Variants in LEO1 observed in about 807,000 individuals in gnomAD.
LEO1 encodes the protein LEO1 component of Paf1/RNA polymerase II complex, also known as RNA polymerase-associated protein LEO1.
A neutral mutation model predicts 80.4 loss-of-function variants in LEO1; 34 were observed. The ratio of observed to expected loss-of-function variants is 0.42; its 90% CI spans 0.32 to 0.56. The LOEUF (loss-of-function observed/expected upper bound fraction) is 0.56, where lower values mean the gene tolerates loss of function less well. Ranked by LOEUF, LEO1 falls within the 20% of genes least tolerant of loss-of-function variation. LEO1 has a pLI of 0.10. For synonymous variants in LEO1, 262 were observed against 274.9 expected (o/e 0.95, Z 0.46); for missense variants, 631 against 814.2 (o/e 0.77, Z 2.74).
rs1191351155 is a variant in LEO1, at chr15:51,966,476, A to G, written c.87T>C (p.Ser29=). The G allele has an allele frequency of 4.4e-6, 7 of 1,608,212 alleles. No homozygotes were observed. The highest frequency in any genetic ancestry group is 6.0e-6 in the Non-Finnish European group (7 of 1,175,950). The change falls in exon 2 of 12, where the codon TCT becomes TCC. Residue 29 remains serine, a synonymous_variant. Coordinates refer to ENST00000299601, the MANE Select transcript of LEO1 (RefSeq NM_138792.4). ...TGCCAGAGGCAGCATTCTCTTGATCAGAATCTGAGTCAGATCCAGAATCAG... is the reference window on the plus strand; with the variant it reads ...TGCCAGAGGCAGCATTCTCTTGATCGGAATCTGAGTCAGATCCAGAATCAG... The part of the protein sequence containing the change: ...KDSDSGSDSD[S]DQENAASGSN...
intron 6 of LEO1, among the ~76,000 whole-genome samples, chr15:51,957,821 G>T (rs572446207): frequency 2.6e-5 from 4 of 152,102 alleles, no homozygotes; most frequent in African/African-American, 9.7e-5. Flanking sequence ...AGGAGTTCGA[G>T]ACCAACCTGG....
intron 1 of LEO1, among the ~76,000 whole-genome samples, chr15:51,971,455 A>G (rs1008529198): frequency 1.3e-5 from 2 of 151,972 alleles, no homozygotes; most frequent in African/African-American, 4.8e-5. Flanking sequence ...TTCGCTCCAC[A>G]AGCTCCCAGG....
intron 1 of LEO1, 61 bp from the exon 2 acceptor site, chr15:51,966,565 A>C: frequency 1.1e-6 from 1 of 908,578 alleles, no homozygotes; most frequent in Non-Finnish European, 1.7e-6. Flanking sequence ...AGGCAGTCCC[A>C]AAGTCCATCC....
chr15:51,960,782 G>T, intron 3 of LEO1, 49 bp from the exon 4 acceptor site: 1 of 1,061,942 alleles, frequency 9.4e-7, no homozygotes, highest in Non-Finnish European at 1.5e-6. Context: ...TGTAACTAAG[G>T]TTCTTCACAG....
chr15:51,970,933 A>T (rs545490671), intron 1 of LEO1, among the ~76,000 whole-genome samples: 2 of 152,326 alleles, frequency 1.3e-5, no homozygotes, highest in South Asian at 4.1e-4. Context: ...CCTGAGCAAC[A>T]CAGTGAGACC....
intron 11 of LEO1, among the ~76,000 whole-genome samples, chr15:51,941,088 C>CAAACAAAT (rs142742499): frequency 5.4e-4 from 81 of 150,902 alleles, no homozygotes; most frequent in East Asian, 9.7e-4. Context: ...AACAAACAAA[C>CAAACAAAT]AAATAAATAA....
intron 9 of LEO1, 39 bp from the exon 10 acceptor site, chr15:51,950,033 G>A: frequency 2.6e-6 from 4 of 1,545,874 alleles, no homozygotes; most frequent in Non-Finnish European, 3.5e-6. Context: ...CTAAAAAGGA[G>A]CTACTTTTGT....
chr15:51,961,689 C>A (rs1473999330), intron 3 of LEO1, among the ~76,000 whole-genome samples: 1 of 151,892 alleles, frequency 6.6e-6, no homozygotes, highest in African/African-American at 2.4e-5. Flanking sequence ...CCACTGCACC[C>A]AGCCAACACT....
At chr15:51,954,223 C>CT (rs75902868) in intron 7 of LEO1, among the ~76,000 whole-genome samples, 174 of 142,766 alleles carry the variant, frequency 1.2e-3, no homozygotes, top group African/African-American at 1.9e-3. Context: ...GTGCCTGGCT[C>CT]TTTTTTTTTT....
Position 51,942,921 on chromosome 15 carries a change from CA to C in LEO1, c.1896+4370del, listed in dbSNP as rs546843495. ...TGGGCAACAGAATGAGACTTTGTCT[CA>C]AAAAAAAAAAAAAAACCAAAAAAAA... On this transcript the variant is annotated intron_variant, in intron 11 of 11. Coordinates refer to ENST00000299601, the MANE Select transcript of LEO1 (RefSeq NM_138792.4). 7.2e-3 allele frequency among the ~76,000 whole-genome samples: 423 copies of C among 58,910 alleles called. 2 individuals carry two copies. The highest frequency in any genetic ancestry group is 0.02 in the African/African-American group (331 of 16,706). The allele number at this position is 58,910 out of a possible 152,430, so 38.6% of individuals were successfully genotyped here.
chr15:51,954,585 A>C lies in LEO1; in HGVS notation c.1246-10T>G. 1 of 1,558,020 alleles carries C rather than the reference A, an allele frequency of 6.4e-7. No homozygotes were observed. Among genetic ancestry groups the C allele is most frequent in the Non-Finnish European group, 8.9e-7 (1 of 1,129,484 alleles). The stretch of plus-strand genomic sequence containing the variant: ...TTATAGTATTTTCTACCTGTTTCAC[A>C]ACACAAGTACTTTAGAAAATTATAG... On this transcript the variant is annotated splice_polypyrimidine_tract_variant and intron_variant, in intron 6 of 11. Coordinates refer to ENST00000299601, the MANE Select transcript of LEO1 (RefSeq NM_138792.4).
intron 6 of LEO1, among the ~76,000 whole-genome samples, chr15:51,955,446 G>C (rs1024696358): frequency 2.6e-5 from 4 of 152,184 alleles, no homozygotes; most frequent in African/African-American, 9.7e-5. Context: ...GCATGGTGGG[G>C]AAACACCAGA....
rs747079864 is a variant in LEO1, at chr15:51,971,752, T to A, written c.-7A>T. On this transcript the variant is annotated 5_prime_UTR_variant, in exon 1 of 12. Coordinates refer to ENST00000299601, the MANE Select transcript of LEO1 (RefSeq NM_138792.4). ...GATCCTCCATATCCGCCATTATCGC[T>A]CACGTCCGCTGCTGCCTCGGTTAGG... 6.2e-7 allele frequency: 1 copy of A among 1,614,154 alleles called. No homozygotes were observed. Among genetic ancestry groups the A allele is most frequent in the South Asian group, 1.1e-5 (1 of 91,090 alleles).
chr15:51,966,366 C>A lies in LEO1; in HGVS notation c.197G>T (p.Ser66Ile). The stretch of plus-strand genomic sequence containing the variant: ...ATGATGTGAAGCTCCCTCGTCCTCA[C>A]TGTCATCTCCAAACAGTTCCTTATT... ...PSNKELFGDDSEDEGASHHSG... is the reference protein window; with the variant it reads ...PSNKELFGDDIEDEGASHHSG... Residue 66 changes from serine to isoleucine, a missense_variant, in exon 2 of 12, where the codon AGT becomes ATT. Transcript: ENST00000299601. 6.2e-7 allele frequency: 1 copy of A among 1,614,202 alleles called. No individual in the cohort carries two copies. Among genetic ancestry groups the A allele is most frequent in the Non-Finnish European group, 8.5e-7 (1 of 1,180,004 alleles).
At chr15:51,971,242 T>C (rs905059396) in intron 1 of LEO1, among the ~76,000 whole-genome samples, 5 of 152,164 alleles carry the variant, frequency 3.3e-5, no homozygotes, top group African/African-American at 7.2e-5. Context: ...TATCACACCA[T>C]GCTCTGGTTT....
intron 11 of LEO1, 24 bp downstream of exon 11, chr15:51,947,268 A>C: frequency 6.7e-7 from 1 of 1,497,578 alleles, no homozygotes. Flanking sequence ...ATAAACCCCT[A>C]GAATTGAATA....
intron 2 of LEO1, among the ~76,000 whole-genome samples, chr15:51,964,201 G>A (rs1194366141): frequency 1.5e-4 from 23 of 150,554 alleles, no homozygotes; most frequent in African/African-American, 5.4e-4. Context: ...GCGAGACTCC[G>A]TCTCAAAAAA....
At chr15:51,968,690 G>A (rs555121456) in intron 1 of LEO1, among the ~76,000 whole-genome samples, 6 of 152,126 alleles carry the variant, frequency 3.9e-5, no homozygotes, top group East Asian at 1.9e-4. Context: ...TTAGCCAGGC[G>A]TGGTGGTGCA....
intron 5 of LEO1, among the ~76,000 whole-genome samples, chr15:51,959,488 G>A (rs1336802803): frequency 2.6e-5 from 4 of 152,140 alleles, no homozygotes; most frequent in East Asian, 1.9e-4. Flanking sequence ...ACAAGAGCTC[G>A]AGTAAACTTA....
Sources: gnomAD v4.1 joint callset for allele counts (sites outside exome capture counted in the v4.1 genomes callset) on GRCh38, gnomAD v4.1.1 for gene constraint, MANE v1.5 for transcripts, NCBI Gene and HGNC (gene_info 2026-07-23, HGNC 2026-07-21) for gene names.